DPP3: variants seen among roughly 807,000 people sequenced by gnomAD.
DPP3 encodes the protein dipeptidyl peptidase 3.
Under a neutral mutation model 89.8 loss-of-function variants are expected in DPP3, and 64 were observed. The observed-to-expected ratio is 0.71, with a 90% CI of 0.58 to 0.88. The LOEUF (loss-of-function observed/expected upper bound fraction) is 0.88, where lower values mean the gene tolerates loss of function less well. Among genes scored for constraint, DPP3 ranks in the 40% least tolerant of loss-of-function variants. The pLI is 0.00. For synonymous variants in DPP3, 377 were observed against 404.3 expected, an observed-to-expected ratio of 0.93 and a Z score of 0.81; for missense variants, 835 against 972.5, an observed-to-expected ratio of 0.86 and a Z score of 1.88.
intron 4 of DPP3, 141 bp downstream of exon 4, chr11:66,486,818 C>T: frequency 1.9e-6 from 2 of 1,078,792 alleles, no homozygotes. Context: ...CCACTGCAGG[C>T]CTCAGTTTTG....
chr11:66,487,960 A>G lies in DPP3; in HGVS notation c.620A>G (p.Glu207Gly). 6.2e-7 allele frequency: 1 copy of G among 1,614,012 alleles called. No individual in the cohort carries two copies. The highest frequency in any genetic ancestry group is 1.3e-5 in the African/African-American group (1 of 75,006). Reference sequence around the variant, plus strand: ...CGGCTCTTCAAAGAGGTCGATGGAGAAGGGAAGCCCTACTACGAGGTGCGG... The same window carrying G: ...CGGCTCTTCAAAGAGGTCGATGGAGGAGGGAAGCCCTACTACGAGGTGCGG... ...NTRLFKEVDGEGKPYYEVRLA... is the reference protein window; with the variant it reads ...NTRLFKEVDGGGKPYYEVRLA... Residue 207 changes from glutamate to glycine, a missense_variant, in exon 6 of 18, where the codon GAA (glutamate) becomes GGA (glycine). Glu to Gly is a moderately conservative substitution (Grantham distance 98). Coordinates refer to ENST00000531863, the MANE Select transcript of DPP3 (RefSeq NM_130443.4).
intron 17 of DPP3, among the ~76,000 whole-genome samples, chr11:66,505,238 A>T (rs905812048): frequency 2.6e-5 from 4 of 152,144 alleles, no homozygotes; most frequent in Non-Finnish European, 4.4e-5. Flanking sequence ...CTCAAGCGAC[A>T]ATTCCAGAGC....
chr11:66,488,890 CG>C (rs1855304923), intron 6 of DPP3, among the ~76,000 whole-genome samples: 1 of 152,100 alleles, frequency 6.6e-6, no homozygotes. Context: ...CTTGCTGTAT[CG>C]CCCAGGCTGG....
chr11:66,480,660 C>G, intron 1 of DPP3, 195 bp downstream of exon 1: 2 of 553,650 alleles, frequency 3.6e-6, no homozygotes, highest in Middle Eastern at 3.5e-4. Flanking sequence ...CGAGGCTGTG[C>G]TATTGGGGCG....
chr11:66,506,975 C>G (rs1361243012), intron 17 of DPP3, among the ~76,000 whole-genome samples: 2 of 151,908 alleles, frequency 1.3e-5, no homozygotes, highest in African/African-American at 4.8e-5. Flanking sequence ...AGCAGCATAC[C>G]CCAGTGCCTC....
intron 16 of DPP3, among the ~76,000 whole-genome samples, chr11:66,501,657 T>C (rs1855678476): frequency 6.7e-6 from 1 of 150,270 alleles, no homozygotes; most frequent in African/African-American, 2.5e-5. Flanking sequence ...AAACCCCACA[T>C]CTACTAAAAA....
chr11:66,499,664 G>A (rs1855631321), intron 16 of DPP3, among the ~76,000 whole-genome samples: 1 of 152,068 alleles, frequency 6.6e-6, no homozygotes, highest in Admixed American at 6.6e-5. Context: ...CAGCCACTCA[G>A]GAGGCTGAGG....
chr11:66,481,474 A>C (rs2134713074), intron 1 of DPP3, among the ~76,000 whole-genome samples: 1 of 151,940 alleles, frequency 6.6e-6, no homozygotes, highest in East Asian at 2.0e-4. Flanking sequence ...TGGGCAACTA[A>C]GTGAGACTCC....
chr11:66,491,406 G>C, intron 7 of DPP3, 23 bp downstream of exon 7: 1 of 1,611,022 alleles, frequency 6.2e-7, no homozygotes, highest in Non-Finnish European at 8.5e-7. Context: ...GGGGGCTGAG[G>C]GGTGCGGGCT....
At chr11:66,480,633 C>A in intron 1 of DPP3, 168 bp downstream of exon 1, 1 of 731,968 alleles carries the variant, frequency 1.4e-6, no homozygotes, top group Non-Finnish European at 2.0e-6. Flanking sequence ...AAAGAGTTAA[C>A]AGCCCTTTCC....
chr11:66,507,596 G>A (rs754853656), intron 17 of DPP3, among the ~76,000 whole-genome samples: 80 of 152,056 alleles, frequency 5.3e-4, no homozygotes, highest in Middle Eastern at 6.8e-3. Flanking sequence ...AAGAGTATCC[G>A]GGAACGTTCT....
rs113357584 is a variant in DPP3 at position 66,495,666 on chromosome 11, G to C, written c.1614G>C (p.Val538=). 3.2e-5 allele frequency: 52 copies of C among 1,614,114 alleles called. No homozygotes were observed. The African/African-American group carries it at 5.2e-4, about 16-fold the overall frequency. ...TTGAGGGGGCTGATGCGGAGGACGT[G>C]ATCTACGTGAACTGGCTCAACATGG... ...FGFEGADAED[V]IYVNWLNMVR... is the part of the protein sequence containing the mutation. Residue 538 remains valine (V), a synonymous_variant, in exon 15 of 18, where the codon GTG becomes GTC. Coordinates refer to ENST00000531863, the MANE Select transcript of DPP3 (RefSeq NM_130443.4).
chr11:66,480,510 C>T (rs1855043327), intron 1 of DPP3, 45 bp downstream of exon 1: 2 of 1,471,786 alleles, frequency 1.4e-6, no homozygotes, highest in Non-Finnish European at 1.8e-6. Flanking sequence ...CGTGTCATCC[C>T]GGGGGACCAA....
intron 16 of DPP3, among the ~76,000 whole-genome samples, chr11:66,503,149 T>C (rs948468936): frequency 1.3e-5 from 2 of 151,416 alleles, no homozygotes; most frequent in African/African-American, 2.4e-5. Context: ...TATATTTTTG[T>C]AGAGACAGGG....
intron 16 of DPP3, 121 bp from the exon 17 acceptor site, chr11:66,504,491 A>G: frequency 9.0e-7 from 1 of 1,105,134 alleles, no homozygotes; most frequent in Non-Finnish European, 1.2e-6. Context: ...TTTGGAGGGG[A>G]CACATTCAAA....
chr11:66,487,180 G>A lies in DPP3; in HGVS notation c.499-88G>A, dbSNP rs1302300164. The A allele has an allele frequency of 3.8e-6, 5 of 1,303,336 alleles. No homozygotes were observed. In the African/African-American group the frequency reaches 4.4e-5, roughly 11 times the overall value. 80.7% of individuals were successfully genotyped at this position (1,303,336 alleles called of 1,614,324 possible). On this transcript the variant is annotated intron_variant, in intron 4 of 17. Coordinates refer to ENST00000531863, the MANE Select transcript of DPP3 (RefSeq NM_130443.4). The stretch of plus-strand genomic sequence containing the variant: ...AAGGGGTAGAGGCTGCTGAAAGGAG[G>A]GAGGGGCGGGAAGCCTGGGAATATG...
intron 12 of DPP3, 87 bp downstream of exon 12, chr11:66,493,720 C>T: frequency 7.2e-7 from 1 of 1,385,354 alleles, no homozygotes; most frequent in Non-Finnish European, 9.8e-7. Context: ...GCTGCTCCAG[C>T]CTCTGCCCTC....
intron 16 of DPP3, among the ~76,000 whole-genome samples, chr11:66,504,066 G>A (rs1855743479): frequency 6.6e-6 from 1 of 152,164 alleles, no homozygotes; most frequent in Non-Finnish European, 1.5e-5. Context: ...GCCTCACATG[G>A]TGGAAAGCAA....
At chr11:66,493,252 A>G in intron 11 of DPP3, 73 bp downstream of exon 11, 2 of 1,287,324 alleles carry the variant, frequency 1.6e-6, no homozygotes, top group Non-Finnish European at 2.2e-6. Context: ...GAGACAGCCC[A>G]GAGCAGTAGA....
Sources: allele counts gnomAD v4.1 joint callset (sites outside exome capture counted in the v4.1 genomes callset), GRCh38; gene constraint gnomAD v4.1.1; transcripts MANE v1.5; gene names NCBI Gene and HGNC (gene_info 2026-07-23, HGNC 2026-07-21).